AARSD1: variants seen among roughly 807,000 people sequenced by gnomAD.
The protein encoded by AARSD1 is alanyl-tRNA synthetase domain containing 1.
A neutral mutation model predicts 48.7 loss-of-function variants in AARSD1; 44 were observed. The observed-to-expected ratio is 0.90, with a 90% CI of 0.71 to 1.16. AARSD1 has a LOEUF of 1.16. Ranked by LOEUF, AARSD1 falls within the 50% of genes most tolerant of loss-of-function variation. AARSD1 has a pLI of 0.00. For synonymous variants in AARSD1, 189 were observed against 194.9 expected (o/e 0.97, Z 0.25); for missense variants, 511 against 523.1 (o/e 0.98, Z 0.23).
chr17:42,957,146 T>C lies in AARSD1; in HGVS notation c.381A>G (p.Thr127=), dbSNP rs1325583776. ...AVADHLFKLK[T]TSWELGRFRS... Reference sequence around the variant, plus strand: ...TTATGCCTCCCACTCACCATGATGTTGTCTTCAGCTTAAATAGATGGTCAG... The same window carrying C: ...TTATGCCTCCCACTCACCATGATGTCGTCTTCAGCTTAAATAGATGGTCAG... Residue 127 remains threonine (T), a synonymous_variant, in exon 4 of 12, where the codon ACA becomes ACG. Transcript: ENST00000427569. The C allele has an allele frequency of 6.2e-7, 1 of 1,613,430 alleles. No homozygotes were observed. The highest frequency in any genetic ancestry group is 1.3e-5 in the African/African-American group (1 of 74,812).
rs554399443 is a variant in AARSD1, at chr17:42,955,540, G to A, written c.794+302C>T. ...TGCAAGCTCCACCTCCCGGGTTCAC[G>A]CCATTCTCCTGCCTCAGCCTCTCGA... On this transcript the variant is annotated intron_variant, in intron 7 of 11. Coordinates refer to ENST00000427569, the MANE Select transcript of AARSD1 (RefSeq NM_001261434.2). 86 of 426,294 alleles carry A rather than the reference G, an allele frequency of 2.0e-4. 2 individuals carry two copies. Among genetic ancestry groups the A allele is most frequent in the South Asian group, 2.0e-3 (81 of 41,186 alleles). 26.4% of individuals were successfully genotyped at this position (426,294 alleles called of 1,614,324 possible).
At chr17:42,963,024 TA>T (rs1199453389) in intron 2 of AARSD1, among the ~76,000 whole-genome samples, 2 of 151,634 alleles carry the variant, frequency 1.3e-5, no homozygotes, top group East Asian at 3.9e-4. Flanking sequence ...TCCTGTCTCT[TA>T]AAAATAAAAA....
intron 2 of AARSD1, 135 bp downstream of exon 2, chr17:42,963,971 C>T (rs1360145589): frequency 1.4e-6 from 2 of 1,456,270 alleles, no homozygotes; most frequent in East Asian, 2.3e-5. Context: ...GATAAATACT[C>T]ATTAAATGAA....
chr17:42,959,303 C>T (rs1020123240), intron 3 of AARSD1, among the ~76,000 whole-genome samples: 1 of 151,322 alleles, frequency 6.6e-6, no homozygotes, highest in African/African-American at 2.4e-5. Flanking sequence ...ACTGCCACCT[C>T]TGGCTCCTGG....
At chr17:42,956,372 C>T (rs200793732) in intron 5 of AARSD1, 32 bp downstream of exon 5, 39 of 1,614,008 alleles carry the variant, frequency 2.4e-5, no homozygotes, top group South Asian at 2.4e-4. Flanking sequence ...GGAATCATTC[C>T]GCAGAAACCA....
At chr17:42,956,144 A>C in intron 6 of AARSD1, 60 bp downstream of exon 6, 1 of 1,612,290 alleles carries the variant, frequency 6.2e-7, no homozygotes, top group Non-Finnish European at 8.5e-7. Context: ...TCCCAGCCCC[A>C]TGTGATCCCC....
Position 42,955,142 on chromosome 17 carries a change from C to T in AARSD1, c.861+16G>A, listed in dbSNP as rs778962873. On this transcript the variant is annotated intron_variant, in intron 8 of 11. Transcript: ENST00000427569. The stretch of plus-strand genomic sequence containing the variant: ...GCAGGGCCCATGCCCTCTCTACCCT[C>T]CATGGAATAAATCACCTTCTGCAGG... 3.1e-6 allele frequency: 5 copies of T among 1,614,156 alleles called. No individual in the cohort carries two copies. Among genetic ancestry groups the T allele is most frequent in the Non-Finnish European group, 4.2e-6 (5 of 1,180,020 alleles).
chr17:42,955,136 T>G, intron 8 of AARSD1, 22 bp downstream of exon 8: 1 of 1,614,144 alleles, frequency 6.2e-7, no homozygotes, highest in South Asian at 1.1e-5. Context: ...ATGCCCTCTC[T>G]ACCCTCCATG....
At position 42,953,717 on chromosome 17, in the gene AARSD1, C is replaced by T. The variant is rs1266102287; in HGVS notation, c.1008+7G>A. On this transcript the variant is annotated splice_region_variant and intron_variant, in intron 10 of 11. Transcript: ENST00000427569. ...GGCCGGGGTAGAGAATCTCATGCTC[C>T]TCTTACCTCTGACCCAATCTCATTG... 7 of 1,614,026 alleles carry T rather than the reference C, an allele frequency of 4.3e-6. No homozygotes were observed. In the African/African-American group the frequency reaches 5.3e-5, roughly 12 times the overall value.
Position 42,961,179 on chromosome 17 carries a change from T to A in AARSD1, c.331+13A>T. The stretch of plus-strand genomic sequence containing the variant: ...AACTGCTCCGGTGTTATGTCCCCCA[T>A]CCCAGCCTTTACCTGAATGCTGCTG... On this transcript the variant is annotated intron_variant, in intron 3 of 11. Coordinates refer to ENST00000427569, the MANE Select transcript of AARSD1 (RefSeq NM_001261434.2). 2 of 1,605,180 alleles carry A rather than the reference T, an allele frequency of 1.2e-6. No homozygotes were observed. Among genetic ancestry groups the A allele is most frequent in the South Asian group, 1.1e-5 (1 of 90,554 alleles).
intron 7 of AARSD1, 81 bp from the exon 8 acceptor site, chr17:42,955,305 C>T: frequency 6.4e-7 from 1 of 1,558,716 alleles, no homozygotes; most frequent in Non-Finnish European, 8.7e-7. Flanking sequence ...TAATTTCCTT[C>T]TTGCTATGGT....
intron 3 of AARSD1, 42 bp downstream of exon 3, chr17:42,961,150 T>C (rs780010707): frequency 6.3e-7 from 1 of 1,575,582 alleles, no homozygotes; most frequent in Non-Finnish European, 8.6e-7. Context: ...TCCCCATACA[T>C]GGCAACTGCT....
intron 7 of AARSD1, chr17:42,955,583 C>T (rs1307195406): frequency 5.3e-5 from 26 of 491,752 alleles, no homozygotes; most frequent in South Asian, 4.5e-4. Flanking sequence ...GGACTACAGG[C>T]GCCCACCACC....
At position 42,958,491 on chromosome 17, in the gene AARSD1, C is replaced by CA. The variant is rs539761505; in HGVS notation, c.332-1297dup. On this transcript the variant is annotated intron_variant, in intron 3 of 11. Coordinates refer to ENST00000427569, the MANE Select transcript of AARSD1 (RefSeq NM_001261434.2). ...TGGGCAACAAAGTGAGACTCTGTCTCAAAAAAAAATAAAAATAACAAATAA... is the reference window on the plus strand; with the variant it reads ...TGGGCAACAAAGTGAGACTCTGTCTCAAAAAAAAAATAAAAATAACAAATAA... 1.0e-3 allele frequency among the ~76,000 whole-genome samples: 146 copies of CA among 145,188 alleles called. 1 individual carries two copies. In the South Asian group the frequency reaches 0.015, roughly 15 times the overall value.
At chr17:42,953,534 A>G (rs1209881227) in intron 10 of AARSD1, among the ~76,000 whole-genome samples, 190 bp downstream of exon 10, 1 of 152,208 alleles carries the variant, frequency 6.6e-6, no homozygotes, top group Non-Finnish European at 1.5e-5. Context: ...GAGCAATAAC[A>G]TAGATCTAGC....
intron 2 of AARSD1, among the ~76,000 whole-genome samples, 190 bp from the exon 3 acceptor site, chr17:42,961,541 T>C (rs1223059874): frequency 6.6e-6 from 1 of 152,208 alleles, no homozygotes; most frequent in East Asian, 1.9e-4. Context: ...TAAACACCTA[T>C]GTGTTGTGAT....
rs977049116 is a variant in AARSD1, at chr17:42,960,140, G to A, written c.331+1052C>T. Among the ~76,000 whole-genome samples the A allele has an allele frequency of 1.5e-4, 23 of 151,800 alleles. No homozygotes were observed. In the Middle Eastern group the frequency reaches 0.014, roughly 90 times the overall value. ...AAAAATTAGCCAGGCATGGTGGCACGCACCTGTTATCCCAGCTACTCGGGA... is the reference window on the plus strand; with the variant it reads ...AAAAATTAGCCAGGCATGGTGGCACACACCTGTTATCCCAGCTACTCGGGA... On this transcript the variant is annotated intron_variant, in intron 3 of 11. Transcript: ENST00000427569.
chr17:42,956,139 G>A, intron 6 of AARSD1, 65 bp downstream of exon 6: 1 of 1,611,690 alleles, frequency 6.2e-7, no homozygotes, highest in Non-Finnish European at 8.5e-7. Context: ...CCCACTCCCA[G>A]CCCCATGTGA....
At chr17:42,953,605 G>T in intron 10 of AARSD1, 119 bp downstream of exon 10, 1 of 1,298,112 alleles carries the variant, frequency 7.7e-7, no homozygotes. Flanking sequence ...TTGAATGAAT[G>T]GCTATTTCCT....
Sources: allele counts gnomAD v4.1 joint callset (sites outside exome capture counted in the v4.1 genomes callset), GRCh38; gene constraint gnomAD v4.1.1; transcripts MANE v1.5; gene names NCBI Gene and HGNC (gene_info 2026-07-23, HGNC 2026-07-21).